The following MGAT5 variants were observed in gnomAD, a reference collection of about 807,000 sequenced individuals.
MGAT5 encodes alpha-1,6-mannosylglycoprotein 6-beta-N-acetylglucosaminyltransferase, also known as alpha-1,6-mannosylglycoprotein 6-beta-N-acetylglucosaminyltransferase A.
MGAT5 carries 30 observed loss-of-function variants against 94.3 expected under a neutral mutation model. The observed-to-expected ratio is 0.32, with a 90% CI of 0.24 to 0.43. The LOEUF (loss-of-function observed/expected upper bound fraction) is 0.43, where lower values mean the gene tolerates loss of function less well. Ranked by LOEUF, MGAT5 falls within the 20% of genes least tolerant of loss-of-function variation. The pLI is 1.00. For synonymous variants in MGAT5, 310 were observed against 322.9 expected, an observed-to-expected ratio of 0.96 and a Z score of 0.43; for missense variants, 691 against 905.5, an observed-to-expected ratio of 0.76 and a Z score of 3.04.
At chr2:134,300,781 C>T (rs564777569) in intron 2 of MGAT5, among the ~76,000 whole-genome samples, 82 of 152,174 alleles carry the variant, frequency 5.4e-4, no homozygotes, top group African/African-American at 1.9e-3. Context: ...CAGTGAAGGT[C>T]GTTGGCAAAG....
chr2:134,245,581 T>A (rs1682209867), intron 1 of MGAT5, among the ~76,000 whole-genome samples: 1 of 152,184 alleles, frequency 6.6e-6, no homozygotes, highest in Non-Finnish European at 1.5e-5. Flanking sequence ...CTGTTTTGCC[T>A]CTAAAGCTGC....
rs116347681 is a variant in MGAT5 at position 134,310,336 on chromosome 2, T to C, written c.407-7193T>C. ...TTGAACATGCAGAGTGCTTTGCATA[T>C]GGAAGGTGCTAGTGGATTTTGTTTA... On this transcript the variant is annotated intron_variant, in intron 2 of 15. Transcript: ENST00000281923. Among the ~76,000 whole-genome samples the C allele has an allele frequency of 3.0e-3, 461 of 152,320 alleles. 5 individuals are homozygous for C. The highest frequency in any genetic ancestry group is 0.011 in the African/African-American group (439 of 41,578).
chr2:134,310,274 T>C (rs2105866436), intron 2 of MGAT5, among the ~76,000 whole-genome samples: 1 of 152,284 alleles, frequency 6.6e-6, no homozygotes, highest in South Asian at 2.1e-4. Flanking sequence ...TCAACAGTGT[T>C]GTGGAAATAA....
intron 1 of MGAT5, among the ~76,000 whole-genome samples, chr2:134,136,341 C>T (rs1056358841): frequency 2.0e-5 from 3 of 152,046 alleles, no homozygotes; most frequent in South Asian, 2.1e-4. Context: ...CCGAGGTGGG[C>T]GGACCACTTG....
intron 10 of MGAT5, among the ~76,000 whole-genome samples, chr2:134,398,281 A>C (rs1371382662): frequency 6.6e-6 from 1 of 152,008 alleles, no homozygotes; most frequent in African/African-American, 2.4e-5. Context: ...GTAGGACTTA[A>C]ATTTTTCTCT....
intron 14 of MGAT5, among the ~76,000 whole-genome samples, chr2:134,430,117 T>C (rs922589460): frequency 1.3e-5 from 2 of 152,190 alleles, no homozygotes; most frequent in African/African-American, 2.4e-5. Context: ...CCTCCTTCAA[T>C]TATGGGTCTT....
At chr2:134,166,018 G>A (rs980124133) in intron 1 of MGAT5, among the ~76,000 whole-genome samples, 1 of 152,168 alleles carries the variant, frequency 6.6e-6, no homozygotes, top group African/African-American at 2.4e-5. Context: ...TCGGCACATA[G>A]CAGGTTCTCA....
chr2:134,435,714 G>A (rs1685132221), intron 14 of MGAT5, among the ~76,000 whole-genome samples: 1 of 152,212 alleles, frequency 6.6e-6, no homozygotes, highest in Admixed American at 6.5e-5. Context: ...AATAAACGGA[G>A]GAGGTAAGAG....
chr2:134,139,022 T>C (rs1470551847), intron 1 of MGAT5, among the ~76,000 whole-genome samples: 1 of 152,210 alleles, frequency 6.6e-6, no homozygotes, highest in African/African-American at 2.4e-5. Flanking sequence ...AAGGCACAGA[T>C]GGAAGAACCT....
At chr2:134,235,370 T>C (rs1681582763) in intron 1 of MGAT5, among the ~76,000 whole-genome samples, 1 of 152,188 alleles carries the variant, frequency 6.6e-6, no homozygotes, top group Non-Finnish European at 1.5e-5. Context: ...ACCAATTGAA[T>C]TATGATCTTG....
chr2:134,249,785 C>G (rs892647409), upstream of MGAT5, among the ~76,000 whole-genome samples: 2 of 152,208 alleles, frequency 1.3e-5, no homozygotes, highest in African/African-American at 4.8e-5. Flanking sequence ...TTCCTAGAAG[C>G]AGAATTGTTT....
chr2:134,384,071 A>G (rs1048402717), intron 10 of MGAT5, among the ~76,000 whole-genome samples: 3 of 152,148 alleles, frequency 2.0e-5, no homozygotes, highest in African/African-American at 4.8e-5. Context: ...TCACATTTCA[A>G]TGTCCCATAA....
intron 4 of MGAT5, among the ~76,000 whole-genome samples, chr2:134,323,202 T>C (rs112296731): frequency 0.017 from 2,543 of 152,252 alleles, 83 homozygotes; most frequent in African/African-American, 0.058. Context: ...TCAATATTTT[T>C]CCTTAAAATA....
chr2:134,205,057 A>G (rs1573860428), intron 1 of MGAT5, among the ~76,000 whole-genome samples: 2 of 152,216 alleles, frequency 1.3e-5, no homozygotes, highest in East Asian at 3.8e-4. Context: ...TGGGTCAGGA[A>G]CAAGCTTCGG....
rs189735114 is a variant in MGAT5 at position 134,350,049 on chromosome 2, T to G, written c.1246+111T>G. 797 of 1,173,690 alleles carry G rather than the reference T, an allele frequency of 6.8e-4. 2 individuals carry two copies. The African/African-American group carries it at 0.011, about 16-fold the overall frequency. 72.7% of individuals were successfully genotyped at this position (1,173,690 alleles called of 1,614,324 possible). A position where few individuals can be genotyped will look rare whatever the true frequency, so the allele number is the denominator to read the frequency against. ...TTCTCAGGACCATTAGCTGTAGAAG[T>G]GTGTGCTGTTGAACCTTTTCCTTGG... On this transcript the variant is annotated intron_variant, in intron 9 of 15. Coordinates refer to ENST00000281923, the MANE Select transcript of MGAT5 (RefSeq NM_002410.5).
At position 134,268,832 on chromosome 2, in the gene MGAT5, A is replaced by G. The variant is rs902459455; in HGVS notation, c.242-1554A>G. 6.6e-6 allele frequency among the ~76,000 whole-genome samples: 1 copy of G among 152,128 alleles called. No homozygotes were observed. Among genetic ancestry groups the G allele is most frequent in the Non-Finnish European group, 1.5e-5 (1 of 68,026 alleles). ...AGGAAACAGGAATGCCAGAGGTAGG[A>G]CTCAAACCTAGGAACTCTGGCTCCA... On this transcript the variant is annotated intron_variant, in intron 1 of 15. Coordinates refer to ENST00000281923, the MANE Select transcript of MGAT5 (RefSeq NM_002410.5). The surrounding 1 kb of genome is among the most constrained non-coding windows in gnomAD (Gnocchi z 4.1).
At chr2:134,390,945 CT>C (rs1267083371) in intron 10 of MGAT5, among the ~76,000 whole-genome samples, 48 of 152,308 alleles carry the variant, frequency 3.2e-4, no homozygotes, top group South Asian at 1.9e-3. Flanking sequence ...TTTTGCCTCT[CT>C]TTGTCTTGTT....
At chr2:134,141,484 A>G (rs1355134715) in intron 1 of MGAT5, among the ~76,000 whole-genome samples, 1 of 49,848 alleles carries the variant, frequency 2.0e-5, no homozygotes, top group African/African-American at 8.4e-5. Context: ...GGATGGATAG[A>G]TGGGTGGGTG....
At chr2:134,302,258 GT>G (rs763902434) in intron 2 of MGAT5, among the ~76,000 whole-genome samples, 1 of 152,096 alleles carries the variant, frequency 6.6e-6, no homozygotes, top group Non-Finnish European at 1.5e-5. Flanking sequence ...TACAGAGATT[GT>G]AATATATTTT....
Sources: gnomAD v4.1 joint callset for allele counts (sites outside exome capture counted in the v4.1 genomes callset) on GRCh38, gnomAD v4.1.1 for gene constraint, Gnocchi (gnomAD v3.1) non-coding constraint, MANE v1.5 for transcripts, NCBI Gene and HGNC (gene_info 2026-07-23, HGNC 2026-07-21) for gene names.